The following MBD2 variants were observed in gnomAD, a reference collection of about 807,000 sequenced individuals.
MBD2 encodes methyl-CpG binding domain protein 2, also known as methyl-CpG-binding domain protein 2.
MBD2 carries 9 observed loss-of-function variants against 39.3 expected under a neutral mutation model. That is an observed-to-expected ratio of 0.23 (90% confidence interval 0.14 to 0.40). The LOEUF is 0.40. Ranked by LOEUF, MBD2 falls within the 10% of genes least tolerant of loss-of-function variation. The pLI, the probability that MBD2 is intolerant of heterozygous loss-of-function variation, is 1.00. For missense variants in MBD2, 458 were observed against 532.6 expected, an observed-to-expected ratio of 0.86 and a Z score of 1.38; for synonymous variants, 233 against 211.1, an observed-to-expected ratio of 1.10 and a Z score of -0.90.
intron 3 of MBD2, among the ~76,000 whole-genome samples, chr18:54,177,205 A>G (rs901887356): frequency 7.2e-5 from 11 of 152,158 alleles, no homozygotes; most frequent in Admixed American, 2.0e-4. Flanking sequence ...TACTTTTCAC[A>G]TATTTGTCAC....
chr18:54,221,107 C>T (rs2086607791), intron 1 of MBD2, among the ~76,000 whole-genome samples: 2 of 152,172 alleles, frequency 1.3e-5, no homozygotes, highest in Admixed American at 1.3e-4. Flanking sequence ...GCAATTACCA[C>T]TATAGTGGCT....
chr18:54,210,638 G>A (rs1034409674), intron 1 of MBD2, among the ~76,000 whole-genome samples: 9 of 152,236 alleles, frequency 5.9e-5, no homozygotes, highest in African/African-American at 2.2e-4. Context: ...CTAACATGAT[G>A]GGGGTAGCAG....
rs1229349081 is a variant in MBD2, at chr18:54,224,326, C to CCGGCCA, written c.228_233dup (p.Gly95_Arg96dup). The CCGGCCA allele has an allele frequency of 3.4e-5, 34 of 1,010,166 alleles. No homozygotes were observed. Among genetic ancestry groups the CCGGCCA allele is most frequent in the East Asian group, 8.9e-5 (1 of 11,220 alleles). The allele number at this position is 1,010,166 out of a possible 1,614,324, so 62.6% of individuals were successfully genotyped here. ...CCCGTCCCCGGCCACGGCCCCGGCC[C>CCGGCCA]CGGCCACGGCCACAGACGCCGCCGC... On this transcript the variant is annotated inframe_insertion, in exon 1 of 7. Coordinates refer to ENST00000256429, the MANE Select transcript of MBD2 (RefSeq NM_003927.5).
intron 2 of MBD2, among the ~76,000 whole-genome samples, chr18:54,193,997 T>C (rs1462738611): frequency 6.6e-6 from 1 of 152,160 alleles, no homozygotes; most frequent in African/African-American, 2.4e-5. Context: ...CTAATTATTG[T>C]GTAACCTTCC....
intron 1 of MBD2, among the ~76,000 whole-genome samples, chr18:54,211,228 G>GT (rs1444580900): frequency 3.9e-5 from 6 of 152,094 alleles, no homozygotes; most frequent in African/African-American, 1.4e-4. Flanking sequence ...ACTTACAACA[G>GT]TAAGTATTCA....
chr18:54,180,621 A>G (rs959867354), intron 3 of MBD2, among the ~76,000 whole-genome samples: 16 of 152,196 alleles, frequency 1.1e-4, no homozygotes, highest in Admixed American at 2.0e-4. Context: ...TTAATTAGAA[A>G]TATGAAGATA....
intron 3 of MBD2, among the ~76,000 whole-genome samples, chr18:54,177,412 T>C (rs565952022): frequency 3.5e-4 from 53 of 152,322 alleles, no homozygotes; most frequent in African/African-American, 1.2e-3. Flanking sequence ...GGATCTATCA[T>C]TAGTTCTTTA....
intron 4 of MBD2, 102 bp downstream of exon 4, chr18:54,165,974 A>C: frequency 1.3e-6 from 1 of 761,582 alleles, no homozygotes; most frequent in Non-Finnish European, 2.2e-6. Flanking sequence ...TCCCAAAGCA[A>C]AGGCCTCCTG....
chr18:54,224,416 G>A lies in MBD2; in HGVS notation c.144C>T (p.Gly48=). 1.6e-6 allele frequency: 2 copies of A among 1,243,644 alleles called. No homozygotes were observed. The highest frequency in any genetic ancestry group is 1.0e-6 in the Non-Finnish European group (1 of 996,326). The allele number at this position is 1,243,644 out of a possible 1,614,324, so 77.0% of individuals were successfully genotyped here. The part of the protein sequence containing the change: ...GSALAPSPVS[G]VRREGARGGG... ...CGCCCCGAGCGCCTTCCCTGCGCAC[G>A]CCGCTCACCGGGGACGGGGCGAGCG... Residue 48 remains glycine, a synonymous_variant, in exon 1 of 7, where the codon GGC becomes GGT. Coordinates refer to ENST00000256429, the MANE Select transcript of MBD2 (RefSeq NM_003927.5).
intron 5 of MBD2, among the ~76,000 whole-genome samples, chr18:54,162,871 A>G (rs1204973664): frequency 5.3e-5 from 8 of 152,204 alleles, no homozygotes; most frequent in Non-Finnish European, 8.8e-5. Context: ...TTTGCAAAAT[A>G]ATTACTTTAA....
chr18:54,199,133 T>C (rs1472704660), intron 2 of MBD2, among the ~76,000 whole-genome samples: 2 of 152,146 alleles, frequency 1.3e-5, no homozygotes, highest in Non-Finnish European at 2.9e-5. Flanking sequence ...AACCAAATAA[T>C]AATAAAATTT....
At position 54,166,586 on chromosome 18, in the gene MBD2, C is replaced by T. The variant is rs371087967; in HGVS notation, c.841-420G>A. On this transcript the variant is annotated intron_variant, in intron 3 of 6. Transcript: ENST00000256429. ...TTATCCAATATCATTAGAGAAAGAG[C>T]TACTCCAATATGGGATTTTTCCAGT... Among the ~76,000 whole-genome samples the T allele has an allele frequency of 5.3e-5, 8 of 152,334 alleles. 1 individual carries two copies. The highest frequency in any genetic ancestry group is 1.7e-4 in the African/African-American group (7 of 41,578).
intron 2 of MBD2, among the ~76,000 whole-genome samples, chr18:54,190,607 A>G (rs1393073689): frequency 1.3e-5 from 2 of 152,196 alleles, no homozygotes; most frequent in Non-Finnish European, 2.9e-5. Context: ...TATCATTAGA[A>G]GTGTTTTGGT....
At chr18:54,208,121 G>C (rs2086466779) in intron 1 of MBD2, among the ~76,000 whole-genome samples, 1 of 152,058 alleles carries the variant, frequency 6.6e-6, no homozygotes, top group Non-Finnish European at 1.5e-5. Context: ...AGATACTCAA[G>C]TTATTGGTAA....
At chr18:54,174,795 A>G (rs1366538892) in intron 3 of MBD2, among the ~76,000 whole-genome samples, 1 of 152,258 alleles carries the variant, frequency 6.6e-6, no homozygotes, top group African/African-American at 2.4e-5. Context: ...TATAAACTAG[A>G]AAGTGTCTGT....
At chr18:54,219,452 T>C (rs746358740) in intron 1 of MBD2, among the ~76,000 whole-genome samples, 18 of 152,194 alleles carry the variant, frequency 1.2e-4, no homozygotes, top group Non-Finnish European at 1.8e-4. Context: ...AAGACAGCTA[T>C]GTGAGAAAGC....
At chr18:54,216,455 C>T (rs2056976976) in intron 1 of MBD2, among the ~76,000 whole-genome samples, 3 of 152,154 alleles carry the variant, frequency 2.0e-5, no homozygotes, top group Non-Finnish European at 4.4e-5. Flanking sequence ...ATACCAGGGA[C>T]TATGCTGGAT....
At chr18:54,185,680 T>G (rs1014070282) in intron 3 of MBD2, among the ~76,000 whole-genome samples, 1 of 152,162 alleles carries the variant, frequency 6.6e-6, no homozygotes, top group African/African-American at 2.4e-5. Context: ...GATATTTCAG[T>G]GATTACTGTT....
At chr18:54,218,790 G>A (rs764867135) in intron 1 of MBD2, among the ~76,000 whole-genome samples, 31 of 152,090 alleles carry the variant, frequency 2.0e-4, no homozygotes, top group African/African-American at 4.1e-4. Flanking sequence ...GTGAAACTCC[G>A]TCTCTAACTA....
Sources: allele counts gnomAD v4.1 joint callset (sites outside exome capture counted in the v4.1 genomes callset), GRCh38; gene constraint gnomAD v4.1.1; transcripts MANE v1.5; gene names NCBI Gene and HGNC (gene_info 2026-07-23, HGNC 2026-07-21).